The following P4HA3 variants were observed in gnomAD, a reference collection of about 807,000 sequenced individuals.
P4HA3 encodes the protein prolyl 4-hydroxylase subunit alpha-3.
P4HA3 carries 60 observed loss-of-function variants against 66.7 expected under a neutral mutation model. That is an observed-to-expected ratio of 0.90 (90% CI 0.73 to 1.12). P4HA3 has a LOEUF of 1.12. P4HA3 is among the 50% of genes most tolerant of loss of function. P4HA3 has a pLI of 0.00. For missense variants in P4HA3, 683 were observed against 685.8 expected, an observed-to-expected ratio of 1.00 and a Z score of 0.05; for synonymous variants, 263 against 274.6, an observed-to-expected ratio of 0.96 and a Z score of 0.42.
intron 5 of P4HA3, chr11:74,287,153 A>T: frequency 8.0e-7 from 1 of 1,245,332 alleles, no homozygotes; most frequent in Non-Finnish European, 1.0e-6. Flanking sequence ...TGCCCCATGC[A>T]TTGGCAGAGC....
intron 10 of P4HA3, among the ~76,000 whole-genome samples, chr11:74,271,888 T>C (rs879521288): frequency 2.0e-5 from 3 of 152,194 alleles, no homozygotes; most frequent in Admixed American, 6.5e-5. Flanking sequence ...CCCATGATAC[T>C]GATTCCCCTT....
At chr11:74,291,524 C>A (rs368229149) in intron 4 of P4HA3, among the ~76,000 whole-genome samples, 1 of 152,060 alleles carries the variant, frequency 6.6e-6, no homozygotes, top group African/African-American at 2.4e-5. Context: ...GTCTTGTACC[C>A]GTTTTCAAAG....
At chr11:74,277,733 A>G (rs1024192403) in intron 8 of P4HA3, among the ~76,000 whole-genome samples, 1 of 152,252 alleles carries the variant, frequency 6.6e-6, no homozygotes, top group African/African-American at 2.4e-5. Flanking sequence ...CAAACAGCAG[A>G]GTTCAGTCTC....
downstream of P4HA3, among the ~76,000 whole-genome samples, chr11:74,264,264 G>C (rs946018692): frequency 3.3e-5 from 5 of 152,180 alleles, no homozygotes; most frequent in Admixed American, 3.3e-4. Context: ...TACCTGCTAT[G>C]CTCTCCTCCC....
intron 1 of P4HA3, among the ~76,000 whole-genome samples, chr11:74,308,891 C>G (rs1189310159): frequency 1.3e-5 from 2 of 152,174 alleles, no homozygotes; most frequent in African/African-American, 4.8e-5. Flanking sequence ...GTGGTAGGTA[C>G]TATTTTTATC....
chr11:74,307,614 G>C (rs532340948), intron 1 of P4HA3, among the ~76,000 whole-genome samples: 2 of 152,258 alleles, frequency 1.3e-5, no homozygotes, highest in South Asian at 4.2e-4. Context: ...AGCACATAGC[G>C]GTTTCCAGAG....
intron 15 of P4HA3, chr11:74,251,711 C>T (rs762486131): frequency 5.6e-6 from 9 of 1,613,952 alleles, no homozygotes; most frequent in East Asian, 2.2e-5. Context: ...CGGTGGATTC[C>T]AGTGGTAAGG....
chr11:74,306,527 A>C (rs1221754139), intron 1 of P4HA3, among the ~76,000 whole-genome samples: 1 of 152,202 alleles, frequency 6.6e-6, no homozygotes, highest in Non-Finnish European at 1.5e-5. Flanking sequence ...AAGAAAAAAA[A>C]GTTTGTGCAA....
chr11:74,298,362 C>T lies in P4HA3; in HGVS notation c.568-1G>A. The T allele has an allele frequency of 6.2e-7, 1 of 1,613,258 alleles. No individual in the cohort carries two copies. Among genetic ancestry groups the T allele is most frequent in the South Asian group, 1.1e-5 (1 of 90,992 alleles). The stretch of plus-strand genomic sequence containing the variant: ...AATAATCCCCCATGTCATAGGCCAC[C>T]TACACAGAACACAAGTACCATCGCC... On this transcript the variant is annotated splice_acceptor_variant, in intron 3 of 12. Coordinates refer to ENST00000331597, the MANE Select transcript of P4HA3 (RefSeq NM_182904.5). LOFTEE classifies it high-confidence loss of function.
At chr11:74,267,816 A>G (rs923937348) in intron 12 of P4HA3, among the ~76,000 whole-genome samples, 2 of 152,172 alleles carry the variant, frequency 1.3e-5, no homozygotes, top group Admixed American at 6.5e-5. Context: ...GGAGCACTAA[A>G]CAGGAGAGAC....
At chr11:74,282,525 T>C (rs1860642921) in intron 7 of P4HA3, among the ~76,000 whole-genome samples, 1 of 151,988 alleles carries the variant, frequency 6.6e-6, no homozygotes, top group Admixed American at 6.5e-5. Context: ...AGCTGGAGCG[T>C]CAAGTGCCGG....
At chr11:74,299,079 T>C (rs2134809386) in intron 3 of P4HA3, among the ~76,000 whole-genome samples, 1 of 152,288 alleles carries the variant, frequency 6.6e-6, no homozygotes, top group East Asian at 1.9e-4. Flanking sequence ...GGCACATGAG[T>C]AAGCCAATAA....
chr11:74,289,250 G>A, intron 4 of P4HA3, 120 bp from the exon 5 acceptor site: 1 of 893,110 alleles, frequency 1.1e-6, no homozygotes, highest in Non-Finnish European at 1.5e-6. Flanking sequence ...TAGATAATAA[G>A]GCTCACTGAA....
At chr11:74,256,838 A>C (rs1257581491) in intron 15 of P4HA3, among the ~76,000 whole-genome samples, 1 of 152,160 alleles carries the variant, frequency 6.6e-6, no homozygotes. Flanking sequence ...GAATCTTGAG[A>C]CTGGGAGGAC....
rs1861292068 is a variant in P4HA3 at position 74,298,304 on chromosome 11, T to C, written c.625A>G (p.Ser209Gly). ...HAIPWLEEAV[S>G]LFRGSYGEWK... ...TCTCCGTAAGATCCTCGGAAGAGAC[T>C]GACAGCCTCCTCCAGCCATGGAATG... The change falls in exon 4 of 13, where the codon AGT becomes GGT. Residue 209 changes from serine (S) to glycine (G), a missense_variant. Ser to Gly is a moderately conservative substitution (Grantham distance 56). Transcript: ENST00000331597. 2 of 1,614,096 alleles carry C rather than the reference T, an allele frequency of 1.2e-6. No homozygotes were observed. Among genetic ancestry groups the C allele is most frequent in the South Asian group, 1.1e-5 (1 of 91,084 alleles).
chr11:74,278,479 T>C (rs938773166), intron 8 of P4HA3, among the ~76,000 whole-genome samples: 1 of 152,152 alleles, frequency 6.6e-6, no homozygotes, highest in African/African-American at 2.4e-5. Context: ...GGAGACCAGC[T>C]CCAGCGAAGT....
downstream of P4HA3, among the ~76,000 whole-genome samples, chr11:74,266,251 C>T (rs1272267804): frequency 6.6e-6 from 1 of 151,882 alleles, no homozygotes; most frequent in African/African-American, 2.4e-5. Flanking sequence ...ACAGTCATCC[C>T]TCAGCATCCA....
intron 15 of P4HA3, chr11:74,256,015 G>A: frequency 2.1e-6 from 1 of 486,720 alleles, no homozygotes; most frequent in Non-Finnish European, 4.1e-6. Flanking sequence ...GGTTCATCAG[G>A]TTCACTCAAA....
At chr11:74,270,441 A>T (rs1263071266) in intron 10 of P4HA3, among the ~76,000 whole-genome samples, 1 of 151,812 alleles carries the variant, frequency 6.6e-6, no homozygotes, top group African/African-American at 2.4e-5. Context: ...TGGTTGTCAC[A>T]GAAATATATA....
Sources: allele counts gnomAD v4.1 joint callset (sites outside exome capture counted in the v4.1 genomes callset), GRCh38; gene constraint gnomAD v4.1.1; transcripts MANE v1.5; gene names NCBI Gene and HGNC (gene_info 2026-07-23, HGNC 2026-07-21).